The following UBXN4 variants were observed in gnomAD, a reference collection of about 807,000 sequenced individuals.
UBXN4 encodes UBX domain protein 4, also known as UBX domain-containing protein 4.
UBXN4 carries 35 observed loss-of-function variants against 66.2 expected under a neutral mutation model. The ratio of observed to expected loss-of-function variants is 0.53; its 90% CI spans 0.40 to 0.70. UBXN4 has a LOEUF of 0.70. Ranked by LOEUF, UBXN4 falls within the 30% of genes least tolerant of loss-of-function variation. The pLI, the probability that UBXN4 is intolerant of heterozygous loss-of-function variation, is 0.00. For missense variants in UBXN4, 533 were observed against 599.8 expected (o/e 0.89, Z 1.16); for synonymous variants, 203 against 204.5 (o/e 0.99, Z 0.06).
intron 1 of UBXN4, chr2:135,742,446 G>GC (rs1386354511): frequency 6.4e-6 from 1 of 156,904 alleles, no homozygotes; most frequent in Non-Finnish European, 1.4e-5. Flanking sequence ...CGGCCAGCAG[G>GC]CCCCAGCCGC....
intron 5 of UBXN4, among the ~76,000 whole-genome samples, chr2:135,756,355 A>G (rs1303235783): frequency 6.6e-6 from 1 of 152,208 alleles, no homozygotes; most frequent in Non-Finnish European, 1.5e-5. Context: ...GAATGCATTC[A>G]ATGATGGGAA....
At chr2:135,746,262 T>C (rs1360574523) in intron 1 of UBXN4, among the ~76,000 whole-genome samples, 2 of 152,164 alleles carry the variant, frequency 1.3e-5, no homozygotes, top group Non-Finnish European at 2.9e-5. Context: ...AGTCAATTAT[T>C]ATAGGCATGC....
In UBXN4 at chr2:135,755,602, C is replaced by G. The variant is rs2077275013; in HGVS notation, c.419C>G (p.Pro140Arg). ...SVSTPSASFEPNNTCENSQSR... is the reference protein window; with the variant it reads ...SVSTPSASFERNNTCENSQSR... ...TCTACTCCATCTGCGTCATTTGAACCTAACAACACTTGTGAAAACTCTCAG... is the reference window on the plus strand; with the variant it reads ...TCTACTCCATCTGCGTCATTTGAACGTAACAACACTTGTGAAAACTCTCAG... The change falls in exon 5 of 13, where the codon CCT becomes CGT. Residue 140 changes from proline to arginine, a missense_variant. By Grantham distance (103) the Pro-to-Arg change is moderately radical. This residue lies in a region of UBXN4 where 529 missense variants were observed against 580.1 expected (regional missense o/e 0.91). Coordinates refer to ENST00000272638, the MANE Select transcript of UBXN4 (RefSeq NM_014607.4). 1 of 1,610,074 alleles carries G rather than the reference C, an allele frequency of 6.2e-7. No homozygotes were observed. Among genetic ancestry groups the G allele is most frequent in the South Asian group, 1.1e-5 (1 of 90,428 alleles).
chr2:135,752,969 T>G (rs571567499), intron 2 of UBXN4, among the ~76,000 whole-genome samples: 1 of 149,392 alleles, frequency 6.7e-6, no homozygotes, highest in Non-Finnish European at 1.5e-5. Context: ...TCACCCGCCT[T>G]GGCCTCCCAA....
At chr2:135,780,136 G>T in intron 11 of UBXN4, 47 bp from the exon 12 acceptor site, 1 of 1,584,560 alleles carries the variant, frequency 6.3e-7, no homozygotes, top group Non-Finnish European at 8.7e-7. Flanking sequence ...GGCGTGATGT[G>T]ATTGTGCTAA....
At chr2:135,767,008 G>A (rs929520535) in intron 6 of UBXN4, among the ~76,000 whole-genome samples, 17 of 147,736 alleles carry the variant, frequency 1.2e-4, no homozygotes, top group African/African-American at 2.3e-4. Context: ...GCCCACCCCC[G>A]CCCCCTTTTT....
At chr2:135,752,570 T>C (rs2077250005) in intron 2 of UBXN4, among the ~76,000 whole-genome samples, 1 of 152,232 alleles carries the variant, frequency 6.6e-6, no homozygotes, top group Non-Finnish European at 1.5e-5. Flanking sequence ...CATTATCACA[T>C]GCCTAAGTAA....
Position 135,741,989 on chromosome 2 carries a change from G to A in UBXN4, c.60G>A (p.Ala20=). ...AAIATAKRSG[A]VFVVFVAGDD... is the part of the protein sequence containing the mutation. ...TCGCGACGGCCAAAAGGAGCGGCGC[G>A]GTCTTCGTGGTGTTCGTGGCAGGTG... The change falls in exon 1 of 13, where the codon GCG becomes GCA. Residue 20 remains alanine, a synonymous_variant. Transcript: ENST00000272638. 1 of 1,613,406 alleles carries A rather than the reference G, an allele frequency of 6.2e-7. No homozygotes were observed. The highest frequency in any genetic ancestry group is 8.5e-7 in the Non-Finnish European group (1 of 1,179,696).
At chr2:135,769,707 A>T (rs1279655686) in intron 6 of UBXN4, 62 bp from the exon 7 acceptor site, 1 of 1,243,910 alleles carries the variant, frequency 8.0e-7, no homozygotes, top group African/African-American at 1.6e-5. Context: ...CCATCTCCTA[A>T]ATGTGTTTTA....
chr2:135,760,553 T>C (rs1299879618), intron 5 of UBXN4, among the ~76,000 whole-genome samples: 2 of 152,244 alleles, frequency 1.3e-5, no homozygotes, highest in Non-Finnish European at 2.9e-5. Context: ...CCATTTCTCT[T>C]TAATTATGAG....
intron 9 of UBXN4, among the ~76,000 whole-genome samples, chr2:135,776,009 T>TG (rs2077412390): frequency 1.3e-5 from 2 of 152,220 alleles, no homozygotes; most frequent in South Asian, 4.1e-4. Flanking sequence ...CCTCAGGTGA[T>TG]CCGCCCGCCT....
chr2:135,763,185 T>G (rs1278804102), intron 6 of UBXN4, among the ~76,000 whole-genome samples: 1 of 152,196 alleles, frequency 6.6e-6, no homozygotes, highest in Non-Finnish European at 1.5e-5. Flanking sequence ...AACACCAGCG[T>G]ATGTAATATT....
rs527324462 is a variant in UBXN4 at position 135,765,824 on chromosome 2, C to G, written c.602+3913C>G. Among the ~76,000 whole-genome samples the G allele has an allele frequency of 4.6e-5, 7 of 151,932 alleles. No homozygotes were observed. In the East Asian group the frequency reaches 1.4e-3, roughly 30 times the overall value. On this transcript the variant is annotated intron_variant, in intron 6 of 12. Coordinates refer to ENST00000272638, the MANE Select transcript of UBXN4 (RefSeq NM_014607.4). ...GTGCTCACAGACCCATGTCCTGCCC[C>G]CTTCTGGCACCCAAGCAGGCATAGT...
At chr2:135,748,794 C>G (rs2077225211) in intron 2 of UBXN4, among the ~76,000 whole-genome samples, 1 of 151,452 alleles carries the variant, frequency 6.6e-6, no homozygotes, top group South Asian at 2.1e-4. Context: ...CTTTGGGAGG[C>G]CAAGACAGGC....
At chr2:135,779,999 ACTT>A (rs903509333) in intron 11 of UBXN4, among the ~76,000 whole-genome samples, 181 bp from the exon 12 acceptor site, 1 of 150,854 alleles carries the variant, frequency 6.6e-6, no homozygotes, top group African/African-American at 2.4e-5. Context: ...ATCTTTAAAA[ACTT>A]CTGGGAGTCT....
chr2:135,754,323 A>G (rs1337798061), intron 4 of UBXN4, 46 bp downstream of exon 4: 4 of 1,491,308 alleles, frequency 2.7e-6, no homozygotes, highest in Non-Finnish European at 3.7e-6. Flanking sequence ...TACGTCAGGA[A>G]TTGGATTTTT....
chr2:135,757,784 A>AT (rs1575317170), intron 5 of UBXN4, among the ~76,000 whole-genome samples: 2 of 151,832 alleles, frequency 1.3e-5, no homozygotes, highest in Admixed American at 6.6e-5. Flanking sequence ...GCTTAAAAAA[A>AT]ATTTTTTTTT....
intron 4 of UBXN4, among the ~76,000 whole-genome samples, chr2:135,754,686 A>G (rs558346890): frequency 1.7e-4 from 26 of 152,308 alleles, no homozygotes; most frequent in Non-Finnish European, 2.6e-4. Flanking sequence ...AAAAATCTTA[A>G]AAGGTAGTAA....
At chr2:135,766,214 A>C (rs1157978339) in intron 6 of UBXN4, among the ~76,000 whole-genome samples, 4 of 152,162 alleles carry the variant, frequency 2.6e-5, no homozygotes, top group African/African-American at 4.8e-5. Context: ...TTTGTTATTA[A>C]ATTAGATGCA....
Sources: gnomAD v4.1 joint callset for allele counts (sites outside exome capture counted in the v4.1 genomes callset) on GRCh38, gnomAD v4.1.1 for gene constraint, gnomAD v4.1.1 regional missense constraint, MANE v1.5 for transcripts, NCBI Gene and HGNC (gene_info 2026-07-23, HGNC 2026-07-21) for gene names.